The following RANBP2 variants were observed in gnomAD, a reference collection of about 807,000 sequenced individuals.
The protein encoded by RANBP2 is RAN binding protein 2, also known as E3 SUMO-protein ligase RanBP2.
A neutral mutation model predicts 303.6 loss-of-function variants in RANBP2; 57 were observed. The observed-to-expected ratio is 0.19, with a 90% CI of 0.15 to 0.23. The LOEUF (loss-of-function observed/expected upper bound fraction) is 0.23, where lower values mean the gene tolerates loss of function less well. RANBP2 is among the 10% of genes least tolerant of loss of function. The probability of loss-of-function intolerance (pLI) is 1.00; values close to 1 mark genes in which losing one functional copy is unlikely to be tolerated. For synonymous variants in RANBP2, 1,167 were observed against 1,301.5 expected, an observed-to-expected ratio of 0.90 and a Z score of 2.23; for missense variants, 3,138 against 3,780.8, an observed-to-expected ratio of 0.83 and a Z score of 4.46.
At chr2:108,798,620 ATTTC>A in the RANBP2 span, 86 of 1,497,462 alleles carry the variant, frequency 5.7e-5, no homozygotes, top group African/African-American at 9.3e-4. Context: ...AGAGTGGTAT[ATTTC>A]TTCTTTTCTT....
the RANBP2 span, among the ~76,000 whole-genome samples, chr2:109,729,994 C>G: frequency 2.0e-5 from 3 of 152,164 alleles, no homozygotes; most frequent in South Asian, 6.2e-4. Context: ...CTTGCCAGAA[C>G]TCACTCAGTA....
chr2:109,335,587 C>T, the RANBP2 span, among the ~76,000 whole-genome samples: 1 of 152,016 alleles, frequency 6.6e-6, no homozygotes, highest in Non-Finnish European at 1.5e-5. Context: ...GTTTATGTGT[C>T]CCCTTAGCAC....
chr2:109,664,929 T>TA, the RANBP2 span, among the ~76,000 whole-genome samples: 670 of 136,120 alleles, frequency 4.9e-3, 4 homozygotes, highest in African/African-American at 0.015. Context: ...AAATTCTGTC[T>TA]AAAAAAAAAA....
the RANBP2 span, among the ~76,000 whole-genome samples, chr2:109,180,130 T>TC: frequency 1.3e-5 from 2 of 151,960 alleles, no homozygotes; most frequent in African/African-American, 4.8e-5. Flanking sequence ...TTTTTTTTTT[T>TC]TCTCTAGTCT....
chr2:108,764,486 C>T lies in RANBP2; in HGVS notation c.3947C>T (p.Ser1316Leu). ...CCAGGAACAAATGTAGCCATGGCGT[C>T]AAATCAGGCTGTCAGAATTGTAAAA... ...KAPGTNVAMA[S>L]NQAVRIVKEP... The change falls in exon 20 of 29, where the codon TCA (serine) becomes TTA (leucine). Residue 1316 changes from serine to leucine, a missense_variant. Ser to Leu is a moderately radical substitution (Grantham distance 145, BLOSUM62 -2). This residue lies in a region of RANBP2 where 388 missense variants were observed against 328.5 expected (regional missense o/e 1.18). Transcript: ENST00000283195. The T allele has an allele frequency of 6.2e-7, 1 of 1,613,920 alleles. No homozygotes were observed. Among genetic ancestry groups the T allele is most frequent in the Non-Finnish European group, 8.5e-7 (1 of 1,179,976 alleles).
At chr2:108,998,747 ATTTTT>A in the RANBP2 span, among the ~76,000 whole-genome samples, 6 of 146,284 alleles carry the variant, frequency 4.1e-5, no homozygotes, top group Non-Finnish European at 9.1e-5. Context: ...AAAGATCTGG[ATTTTT>A]TTTTTTTTTA....
the RANBP2 span, among the ~76,000 whole-genome samples, chr2:109,027,869 A>C: frequency 1.3e-5 from 2 of 152,194 alleles, no homozygotes; most frequent in Admixed American, 1.3e-4. Flanking sequence ...TGTCTCTCCC[A>C]GAGCTGCTAC....
chr2:109,163,275 TTC>T, the RANBP2 span, among the ~76,000 whole-genome samples: 2 of 152,204 alleles, frequency 1.3e-5, no homozygotes, highest in African/African-American at 4.8e-5. Flanking sequence ...CATTTGTTTC[TTC>T]TCTAATGAAA....
At position 108,768,335 on chromosome 2, in the gene RANBP2, C is replaced by G; in HGVS notation, c.7796C>G (p.Ser2599Cys). ...AGCAAAGTCAAAAATCTCTTTGCTT[C>G]CTTTCCAACGGAAGAATCTTCAATC... ...SDSKVKNLFA[S>C]FPTEESSINY... The change falls in exon 20 of 29, where the codon TCC (serine) becomes TGC (cysteine). Residue 2599 changes from serine to cysteine, a missense_variant. Transcript: ENST00000283195. The G allele has an allele frequency of 6.2e-7, 1 of 1,611,962 alleles. No homozygotes were observed. Among genetic ancestry groups the G allele is most frequent in the Non-Finnish European group, 8.5e-7 (1 of 1,179,854 alleles).
the RANBP2 span, among the ~76,000 whole-genome samples, chr2:108,976,981 G>A: frequency 6.6e-6 from 1 of 152,116 alleles, no homozygotes; most frequent in Non-Finnish European, 1.5e-5. Flanking sequence ...AGTGAGGACT[G>A]ACAAATGCTA....
the RANBP2 span, among the ~76,000 whole-genome samples, chr2:109,166,877 A>T: frequency 6.6e-6 from 1 of 152,246 alleles, no homozygotes; most frequent in Non-Finnish European, 1.5e-5. Flanking sequence ...GCTATACATT[A>T]TACTTAGGGC....
chr2:109,403,254 G>A, the RANBP2 span, among the ~76,000 whole-genome samples: 7 of 152,334 alleles, frequency 4.6e-5, no homozygotes, highest in South Asian at 1.2e-3. Flanking sequence ...CCCCGCAGCT[G>A]TTAGGGGTGC....
chr2:109,066,464 C>T, the RANBP2 span, among the ~76,000 whole-genome samples: 5 of 152,142 alleles, frequency 3.3e-5, no homozygotes, highest in African/African-American at 1.2e-4. Flanking sequence ...ACGCAAACAG[C>T]GCTAACTGTT....
At chr2:109,528,551 C>G in the RANBP2 span, among the ~76,000 whole-genome samples, 1 of 152,058 alleles carries the variant, frequency 6.6e-6, no homozygotes, top group Non-Finnish European at 1.5e-5. Context: ...CGGCTTAGAA[C>G]AGTAACTCTG....
chr2:109,681,958 G>A, the RANBP2 span, among the ~76,000 whole-genome samples: 6 of 152,224 alleles, frequency 3.9e-5, no homozygotes, highest in Admixed American at 3.3e-4. Context: ...GCATCACTGA[G>A]GCACTTGCTG....
At chr2:108,802,483 T>A in the RANBP2 span, among the ~76,000 whole-genome samples, 1 of 144,880 alleles carries the variant, frequency 6.9e-6, no homozygotes, top group Admixed American at 6.9e-5. Flanking sequence ...TGATTTTGTA[T>A]CCTGAGACTT....
chr2:108,847,998 T>C, the RANBP2 span, among the ~76,000 whole-genome samples: 1 of 151,976 alleles, frequency 6.6e-6, no homozygotes, highest in African/African-American at 2.4e-5. Flanking sequence ...TAAAAAAAAA[T>C]ACACACACGC....
At chr2:109,416,423 C>T in the RANBP2 span, among the ~76,000 whole-genome samples, 12 of 152,108 alleles carry the variant, frequency 7.9e-5, no homozygotes, top group African/African-American at 2.2e-4. Context: ...GGCGAAACCC[C>T]CCCGTTTCTA....
chr2:109,346,844 A>G, the RANBP2 span, among the ~76,000 whole-genome samples: 2 of 152,180 alleles, frequency 1.3e-5, no homozygotes, highest in Non-Finnish European at 2.9e-5. Flanking sequence ...TGTTAGGAGG[A>G]TACAGTCTTA....
Sources: gnomAD v4.1 joint callset for allele counts (sites outside exome capture counted in the v4.1 genomes callset) on GRCh38, gnomAD v4.1.1 for gene constraint, gnomAD v4.1.1 regional missense constraint, MANE v1.5 for transcripts, NCBI Gene and HGNC (gene_info 2026-07-23, HGNC 2026-07-21) for gene names.